Variants in TAC1 observed in about 807,000 individuals in gnomAD.
TAC1 encodes tachykinin precursor 1.
A neutral mutation model predicts 21.7 loss-of-function variants in TAC1; 12 were observed. The ratio of observed to expected loss-of-function variants is 0.55; its 90% CI spans 0.35 to 0.89. TAC1 has a LOEUF of 0.89. Among genes scored for constraint, TAC1 ranks in the 40% least tolerant of loss-of-function variants. The probability of loss-of-function intolerance (pLI) is 0.01; values close to 1 mark genes in which losing one functional copy is unlikely to be tolerated. For synonymous variants in TAC1, 52 were observed against 52.0 expected (o/e 1.00, Z 0.00); for missense variants, 128 against 151.4 (o/e 0.85, Z 0.81).
rs534119511 is a variant in TAC1, at chr7:97,740,404, A to C, written c.*484A>C. On this transcript the variant is annotated 3_prime_UTR_variant, in exon 7 of 7. Transcript: ENST00000319273. Reference sequence around the variant, plus strand: ...TTTTAAAAGTTTCAATGTGATTCTAATGTCTTCATTTCATTGTATGATGTG... The same window carrying C: ...TTTTAAAAGTTTCAATGTGATTCTACTGTCTTCATTTCATTGTATGATGTG... The C allele has an allele frequency of 4.0e-3, 609 of 152,726 alleles. 5 individuals carry two copies. The highest frequency in any genetic ancestry group is 6.8e-3 in the Middle Eastern group (2 of 294). 9.5% of individuals were successfully genotyped at this position (152,726 alleles called of 1,614,324 possible).
chr7:97,732,215 T>C lies in TAC1; in HGVS notation c.-10+20T>C, dbSNP rs749653703. 1 of 161,240 alleles carries C rather than the reference T, an allele frequency of 6.2e-6. No homozygotes were observed. The highest frequency in any genetic ancestry group is 1.4e-5 in the Non-Finnish European group (1 of 73,622). The allele number at this position is 161,240 out of a possible 1,614,324, so 10.0% of individuals were successfully genotyped here. A position where few individuals can be genotyped will look rare whatever the true frequency, so the allele number is the denominator to read the frequency against. On this transcript the variant is annotated intron_variant, in intron 1 of 6. Coordinates refer to ENST00000319273, the MANE Select transcript of TAC1 (RefSeq NM_003182.3). This position sits in a 1 kb window ranked among gnomAD's most constrained non-coding sequence, Gnocchi z 6.2. ...GTCGCAGTAAGTGCCCGCGCGGTGC[T>C]GGCCGCGGCTGCCCGGGTCACCCCG...
At chr7:97,733,120 C>T (rs1789473311) in intron 2 of TAC1, 1 of 186,814 alleles carries the variant, frequency 5.4e-6, no homozygotes. Flanking sequence ...GCCTGGGTCG[C>T]GGGCAGCAGC....
At position 97,732,491 on chromosome 7, in the gene TAC1, C is replaced by T; in HGVS notation, c.-9-113C>T. On this transcript the variant is annotated intron_variant, in intron 1 of 6. Transcript: ENST00000319273. The surrounding 1 kb of genome is among the most constrained non-coding windows in gnomAD (Gnocchi z 6.2). Reference sequence around the variant, plus strand: ...AGACTTCAGTCCTTATGTTTTTGATCTTGGTTCATCCGTTGTGGGGCAGAA... The same window carrying T: ...AGACTTCAGTCCTTATGTTTTTGATTTTGGTTCATCCGTTGTGGGGCAGAA... The T allele has an allele frequency of 4.7e-6, 6 of 1,270,448 alleles. No individual in the cohort carries two copies. Among genetic ancestry groups the T allele is most frequent in the Non-Finnish European group, 6.6e-6 (6 of 903,940 alleles). The allele number at this position is 1,270,448 out of a possible 1,614,324, so 78.7% of individuals were successfully genotyped here.
At chr7:97,737,237 T>C (rs1789593242) in intron 6 of TAC1, among the ~76,000 whole-genome samples, 1 of 152,014 alleles carries the variant, frequency 6.6e-6, no homozygotes, top group African/African-American at 2.4e-5. Context: ...AATTCTATTT[T>C]GCCTTCAGTG....
At chr7:97,737,246 T>C (rs1269212984) in intron 6 of TAC1, among the ~76,000 whole-genome samples, 1 of 151,986 alleles carries the variant, frequency 6.6e-6, no homozygotes, top group Non-Finnish European at 1.5e-5. Context: ...TTGCCTTCAG[T>C]GAAAATAGAA....
Position 97,733,775 on chromosome 7 carries a change from C to T in TAC1, c.176C>T (p.Pro59Leu), listed in dbSNP as rs1789494710. 13 of 1,614,120 alleles carry T rather than the reference C, an allele frequency of 8.1e-6. No individual in the cohort carries two copies. Among genetic ancestry groups the T allele is most frequent in the Non-Finnish European group, 1.1e-5 (13 of 1,180,016 alleles). ...CTTCTGCAGAGAATCGCCCGGAGAC[C>T]CAAGCCTCAGCAGTTCTTTGGATTA... ...EHLLQRIARR[P>L]KPQQFFGLMG... The change falls in exon 3 of 7, where the codon CCC (proline) becomes CTC (leucine). Residue 59 changes from proline to leucine, a missense_variant. Pro to Leu is a moderately conservative substitution (Grantham distance 98). Coordinates refer to ENST00000319273, the MANE Select transcript of TAC1 (RefSeq NM_003182.3).
intron 4 of TAC1, 53 bp downstream of exon 4, chr7:97,734,345 A>G: frequency 3.3e-6 from 5 of 1,521,616 alleles, no homozygotes; most frequent in Middle Eastern, 1.7e-4. Flanking sequence ...CATGTAGGAA[A>G]GTGAAATAAA....
Position 97,740,035 on chromosome 7 carries a change from G to C in TAC1, c.*115G>C. ...TATTTAATAACAATTGTTTGGGGTT[G>C]AAAATTCAAAAAGTGTTTATTTTTC... On this transcript the variant is annotated 3_prime_UTR_variant, in exon 7 of 7. Transcript: ENST00000319273. 1 of 738,616 alleles carries C rather than the reference G, an allele frequency of 1.4e-6. No homozygotes were observed. Among genetic ancestry groups the C allele is most frequent in the Non-Finnish European group, 2.0e-6 (1 of 488,520 alleles). The allele number at this position is 738,616 out of a possible 1,614,324, so 45.8% of individuals were successfully genotyped here.
chr7:97,739,587 A>C (rs778939046), intron 6 of TAC1, among the ~76,000 whole-genome samples: 27 of 151,998 alleles, frequency 1.8e-4, no homozygotes, highest in Non-Finnish European at 3.1e-4. Flanking sequence ...CTGCTTGAGA[A>C]AGCTGCTGAG....
intron 5 of TAC1, among the ~76,000 whole-genome samples, chr7:97,735,770 G>A (rs1358019394): frequency 1.3e-5 from 2 of 152,134 alleles, no homozygotes; most frequent in African/African-American, 4.8e-5. Context: ...AATAAAAAAT[G>A]TACTCTGTTC....
In TAC1 at chr7:97,733,752, T is replaced by C. The variant is rs761943477; in HGVS notation, c.153T>C (p.Leu51=). The C allele has an allele frequency of 5.6e-6, 9 of 1,614,150 alleles. No individual in the cohort carries two copies. Among genetic ancestry groups the C allele is most frequent in the Non-Finnish European group, 7.6e-6 (9 of 1,180,016 alleles). ...KEELPEPFEH[L]LQRIARRPKP... ...AACTGCCGGAGCCCTTTGAGCATCT[T>C]CTGCAGAGAATCGCCCGGAGACCCA... The change falls in exon 3 of 7, where the codon CTT becomes CTC. Residue 51 remains leucine (L), a synonymous_variant. Coordinates refer to ENST00000319273, the MANE Select transcript of TAC1 (RefSeq NM_003182.3).
At chr7:97,733,110 G>T (rs1446746954) in intron 2 of TAC1, 10 of 192,524 alleles carry the variant, frequency 5.2e-5, no homozygotes, top group Admixed American at 4.9e-4. Flanking sequence ...AGAGGAGGGC[G>T]CCTGGGTCGC....
chr7:97,733,897 C>G (rs1789499198), intron 3 of TAC1, 78 bp downstream of exon 3: 1 of 1,374,384 alleles, frequency 7.3e-7, no homozygotes, highest in African/African-American at 1.4e-5. Context: ...ACCCCAGGGT[C>G]TCTCGCTCTG....
chr7:97,740,350 T>G lies in TAC1; in HGVS notation c.*430T>G, dbSNP rs1789682139. On this transcript the variant is annotated 3_prime_UTR_variant, in exon 7 of 7. Coordinates refer to ENST00000319273, the MANE Select transcript of TAC1 (RefSeq NM_003182.3). ...ACTGTATTTGTATCTCTGAAGCATG[T>G]TTCATGTTTTGTGACTATATAGAGA... The G allele has an allele frequency of 6.5e-6, 1 of 153,422 alleles. No individual in the cohort carries two copies. Among genetic ancestry groups the G allele is most frequent in the South Asian group, 2.1e-4 (1 of 4,850 alleles). The allele number at this position is 153,422 out of a possible 1,614,324, so 9.5% of individuals were successfully genotyped here.
Position 97,732,780 on chromosome 7 carries a change from C to A in TAC1, c.123+45C>A. The stretch of plus-strand genomic sequence containing the variant: ...CGGCCCGCACCCTTCTTCCTGGGCT[C>A]GGGAGCTGTCACCTTCCCACGCAAC... On this transcript the variant is annotated intron_variant, in intron 2 of 6. Transcript: ENST00000319273. This position sits in a 1 kb window ranked among gnomAD's most constrained non-coding sequence, Gnocchi z 6.2. 6.3e-7 allele frequency: 1 copy of A among 1,590,488 alleles called. No individual in the cohort carries two copies. The highest frequency in any genetic ancestry group is 8.6e-7 in the Non-Finnish European group (1 of 1,168,388).
intron 5 of TAC1, among the ~76,000 whole-genome samples, chr7:97,735,106 G>T (rs1789551299): frequency 6.6e-6 from 1 of 151,978 alleles, no homozygotes; most frequent in Non-Finnish European, 1.5e-5. Flanking sequence ...TTTTAGAGAA[G>T]AATTTCAATC....
chr7:97,732,620 T>C lies in TAC1; in HGVS notation c.8T>C (p.Ile3Thr). MK[I>T]LVALAVFFLV... ...CCTTCCCAGAAATCCAACATGAAAA[T>C]CCTCGTGGCCTTGGCAGTCTTTTTT... The change falls in exon 2 of 7, where the codon ATC (isoleucine) becomes ACC (threonine). Residue 3 changes from isoleucine to threonine, a missense_variant. Ile to Thr is a moderately conservative substitution (Grantham distance 89). Coordinates refer to ENST00000319273, the MANE Select transcript of TAC1 (RefSeq NM_003182.3). The surrounding 1 kb of genome is among the most constrained non-coding windows in gnomAD (Gnocchi z 6.2). The C allele has an allele frequency of 6.2e-7, 1 of 1,614,066 alleles. No individual in the cohort carries two copies. Among genetic ancestry groups the C allele is most frequent in the Non-Finnish European group, 8.5e-7 (1 of 1,180,014 alleles).
chr7:97,734,188 C>T, intron 3 of TAC1, 60 bp from the exon 4 acceptor site: 2 of 1,510,608 alleles, frequency 1.3e-6, no homozygotes, highest in Non-Finnish European at 1.8e-6. Context: ...AATATCGTTT[C>T]CTTGAATTCA....
chr7:97,733,647 G>A (rs564214397), intron 2 of TAC1, 76 bp from the exon 3 acceptor site: 23 of 1,454,766 alleles, frequency 1.6e-5, no homozygotes, highest in Middle Eastern at 1.9e-4. Flanking sequence ...GAGTACAGCG[G>A]GGGGAAGGGC....
Sources: allele counts gnomAD v4.1 joint callset (sites outside exome capture counted in the v4.1 genomes callset), GRCh38; gene constraint gnomAD v4.1.1; non-coding constraint Gnocchi (gnomAD v3.1); transcripts MANE v1.5; gene names NCBI Gene and HGNC (gene_info 2026-07-23, HGNC 2026-07-21).